Variants in AGBL4 observed in about 807,000 individuals in gnomAD.
The protein encoded by AGBL4 is AGBL carboxypeptidase 4.
AGBL4 carries 58 observed loss-of-function variants against 66.4 expected under a neutral mutation model. The observed-to-expected ratio is 0.87, with a 90% CI of 0.71 to 1.09. AGBL4 has a LOEUF of 1.09. Among genes scored for constraint, AGBL4 ranks in the 50% least tolerant of loss-of-function variants. AGBL4 has a pLI of 0.00. For missense variants in AGBL4, 579 were observed against 631.0 expected (o/e 0.92, Z 0.88); for synonymous variants, 234 against 222.9 (o/e 1.05, Z -0.44).
At chr1:49,489,397 T>C (rs956704919) in intron 3 of AGBL4, among the ~76,000 whole-genome samples, 2 of 151,844 alleles carry the variant, frequency 1.3e-5, no homozygotes, top group Non-Finnish European at 2.9e-5. Context: ...TTTTTTCCAG[T>C]ATAGTTGTTT....
At chr1:49,874,197 C>G (rs1339472833) in intron 1 of AGBL4, among the ~76,000 whole-genome samples, 1 of 152,066 alleles carries the variant, frequency 6.6e-6, no homozygotes, top group Non-Finnish European at 1.5e-5. Context: ...GTCCCTGACA[C>G]AAAATCAACT....
At chr1:49,910,949 C>A (rs1231716981) in intron 1 of AGBL4, among the ~76,000 whole-genome samples, 1 of 152,206 alleles carries the variant, frequency 6.6e-6, no homozygotes, top group Non-Finnish European at 1.5e-5. Flanking sequence ...TCCCTCCAGG[C>A]TGGGCAACAG....
intron 3 of AGBL4, among the ~76,000 whole-genome samples, chr1:49,246,693 G>A (rs191750292): frequency 6.6e-6 from 1 of 151,980 alleles, no homozygotes; most frequent in East Asian, 1.9e-4. Context: ...GGGGAGGGAA[G>A]ATTGTGAAAG....
chr1:48,603,398 A>G (rs1200166354), intron 9 of AGBL4, among the ~76,000 whole-genome samples: 1 of 152,172 alleles, frequency 6.6e-6, no homozygotes, highest in African/African-American at 2.4e-5. Flanking sequence ...TGAACCAGGG[A>G]GTCAAAGAAT....
intron 4 of AGBL4, among the ~76,000 whole-genome samples, chr1:49,242,279 AGC>A (rs1651297705): frequency 6.6e-6 from 1 of 152,186 alleles, no homozygotes; most frequent in East Asian, 1.9e-4. Context: ...CATCTCTAAC[AGC>A]TAGTCCAATC....
intron 10 of AGBL4, among the ~76,000 whole-genome samples, chr1:48,590,130 C>A (rs889448933): frequency 6.6e-6 from 1 of 151,984 alleles, no homozygotes; most frequent in Non-Finnish European, 1.5e-5. Context: ...AGCGGCCAGG[C>A]GCGGTGGCTC....
chr1:49,294,184 TATAAA>T (rs774030581), intron 3 of AGBL4, among the ~76,000 whole-genome samples: 18 of 152,222 alleles, frequency 1.2e-4, no homozygotes, highest in Non-Finnish European at 2.1e-4. Flanking sequence ...TTCCTTCACA[TATAAA>T]ATTGATATTA....
At chr1:48,788,801 G>A (rs892345753) in intron 6 of AGBL4, among the ~76,000 whole-genome samples, 22 of 152,170 alleles carry the variant, frequency 1.4e-4, no homozygotes, top group African/African-American at 3.4e-4. Flanking sequence ...TTTGGTGAGC[G>A]CTTATAATGT....
chr1:49,008,139 G>C lies in AGBL4; in HGVS notation c.594+37445C>G, dbSNP rs370796315. Among the ~76,000 whole-genome samples the C allele has an allele frequency of 1.7e-4, 26 of 151,946 alleles. 1 individual carries two copies. In the East Asian group the frequency reaches 4.9e-3, roughly 28 times the overall value. ...GCTGTATTCAGGAAACCCATCTCACGTGCAGAGACACACATAGGCTCAAAA... is the reference window on the plus strand; with the variant it reads ...GCTGTATTCAGGAAACCCATCTCACCTGCAGAGACACACATAGGCTCAAAA... On this transcript the variant is annotated intron_variant, in intron 5 of 13. Coordinates refer to ENST00000371839, the MANE Select transcript of AGBL4 (RefSeq NM_032785.4).
intron 5 of AGBL4, among the ~76,000 whole-genome samples, chr1:48,876,760 G>A (rs1484332541): frequency 6.6e-6 from 1 of 152,138 alleles, no homozygotes; most frequent in Non-Finnish European, 1.5e-5. Context: ...CCCTGATAGG[G>A]CTTTGAGAAG....
At chr1:49,771,312 T>C (rs1287475509) in intron 2 of AGBL4, among the ~76,000 whole-genome samples, 2 of 152,118 alleles carry the variant, frequency 1.3e-5, no homozygotes, top group African/African-American at 4.8e-5. Flanking sequence ...AGGTTTTCAA[T>C]GGTTTTCTTG....
intron 3 of AGBL4, among the ~76,000 whole-genome samples, chr1:49,586,427 G>A (rs1644648165): frequency 6.6e-6 from 1 of 152,134 alleles, no homozygotes; most frequent in African/African-American, 2.4e-5. Context: ...AAAAGTGGTA[G>A]GACAGCACTT....
chr1:49,816,819 A>G (rs1351448129), intron 2 of AGBL4, among the ~76,000 whole-genome samples: 1 of 152,190 alleles, frequency 6.6e-6, no homozygotes, highest in African/African-American at 2.4e-5. Context: ...GTGGTCAAGA[A>G]ATGGCTCAGA....
intron 12 of AGBL4, among the ~76,000 whole-genome samples, chr1:48,537,438 T>G (rs1372428659): frequency 6.6e-6 from 1 of 152,152 alleles, no homozygotes; most frequent in Non-Finnish European, 1.5e-5. Flanking sequence ...AGATCTCCCC[T>G]ATGTCCTTTA....
chr1:49,686,243 G>A (rs1646784955), intron 3 of AGBL4, among the ~76,000 whole-genome samples: 1 of 151,936 alleles, frequency 6.6e-6, no homozygotes. Context: ...CTCTAATAAG[G>A]ACCCCCGCCA....
chr1:49,670,671 T>C (rs1408775395), intron 3 of AGBL4, among the ~76,000 whole-genome samples: 1 of 152,170 alleles, frequency 6.6e-6, no homozygotes, highest in African/African-American at 2.4e-5. Context: ...ACTGGTCCAT[T>C]GGCAAGAGGG....
chr1:49,984,168 A>G (rs960091655), intron 1 of AGBL4, among the ~76,000 whole-genome samples: 2 of 152,250 alleles, frequency 1.3e-5, no homozygotes, highest in African/African-American at 4.8e-5. Context: ...CAGCTAAACA[A>G]GCACTGCCCT....
intron 5 of AGBL4, among the ~76,000 whole-genome samples, chr1:48,891,427 G>A (rs1314895857): frequency 1.3e-5 from 2 of 152,104 alleles, no homozygotes; most frequent in Non-Finnish European, 2.9e-5. Flanking sequence ...CACGTATTTT[G>A]GACCAGGCAC....
At chr1:49,302,634 TTTTA>T (rs1644773231) in intron 3 of AGBL4, among the ~76,000 whole-genome samples, 1 of 137,860 alleles carries the variant, frequency 7.3e-6, no homozygotes, top group Non-Finnish European at 1.6e-5. Context: ...TTTTATTTTA[TTTTA>T]TTTTATTTTA....
Sources: gnomAD v4.1 joint callset for allele counts (sites outside exome capture counted in the v4.1 genomes callset) on GRCh38, gnomAD v4.1.1 for gene constraint, MANE v1.5 for transcripts, NCBI Gene and HGNC (gene_info 2026-07-23, HGNC 2026-07-21) for gene names.